PRKCE: variants seen among roughly 807,000 people sequenced by gnomAD.
PRKCE encodes the protein protein kinase C epsilon, also known as protein kinase C epsilon type.
A neutral mutation model predicts 85.4 loss-of-function variants in PRKCE; 16 were observed. The ratio of observed to expected loss-of-function variants is 0.19; its 90% confidence interval spans 0.13 to 0.28. The LOEUF (loss-of-function observed/expected upper bound fraction) is 0.28. Among genes scored for constraint, PRKCE ranks in the 10% least tolerant of loss-of-function variants. The pLI, the probability that PRKCE is intolerant of heterozygous loss-of-function variation, is 1.00. For missense variants in PRKCE, 573 were observed against 975.2 expected (o/e 0.59, Z 5.49); for synonymous variants, 388 against 371.5 (o/e 1.04, Z -0.51).
intron 1 of PRKCE, among the ~76,000 whole-genome samples, chr2:45,682,699 G>A (rs201958592): frequency 6.6e-6 from 1 of 152,186 alleles, no homozygotes; most frequent in Non-Finnish European, 1.5e-5. Context: ...CAATTCTCCT[G>A]CCTCAGCCTC....
chr2:45,808,714 G>T lies in PRKCE; in HGVS notation c.349-34286G>T, dbSNP rs144572887. Among the ~76,000 whole-genome samples the T allele has an allele frequency of 1.1e-3, 171 of 152,260 alleles. 1 individual carries two copies. The highest frequency in any genetic ancestry group is 4.1e-3 in the African/African-American group (170 of 41,532). On this transcript the variant is annotated intron_variant, in intron 1 of 14. Coordinates refer to ENST00000306156, the MANE Select transcript of PRKCE (RefSeq NM_005400.3). ...CTCTCAAGGCTGCTGAGATTGTTTT[G>T]TTCTAGAAGTATATAATCTTAGGAC... is the stretch of plus-strand genomic sequence containing the variant.
At chr2:45,869,815 C>G (rs1224125123) in intron 2 of PRKCE, among the ~76,000 whole-genome samples, 1 of 142,488 alleles carries the variant, frequency 7.0e-6, no homozygotes, top group African/African-American at 2.6e-5. Context: ...TCAAGCAATT[C>G]TCCTGGCTCA....
intron 2 of PRKCE, among the ~76,000 whole-genome samples, chr2:45,899,291 A>G (rs979798572): frequency 6.6e-6 from 1 of 152,136 alleles, no homozygotes; most frequent in Non-Finnish European, 1.5e-5. Context: ...AGGCTTCTTC[A>G]GTGTTGGGCA....
intron 1 of PRKCE, among the ~76,000 whole-genome samples, chr2:45,658,499 CA>C (rs766481176): frequency 1.9e-4 from 29 of 152,216 alleles, no homozygotes; most frequent in Non-Finnish European, 4.0e-4. Context: ...TCCCTGGATT[CA>C]GTGAGTTCTA....
intron 8 of PRKCE, among the ~76,000 whole-genome samples, chr2:46,005,183 C>A (rs1331713815): frequency 6.6e-6 from 1 of 152,160 alleles, no homozygotes; most frequent in Non-Finnish European, 1.5e-5. Context: ...GGAGGCCAGT[C>A]CTAGGCCTGT....
intron 1 of PRKCE, among the ~76,000 whole-genome samples, chr2:45,785,652 G>C (rs575595150): frequency 2.6e-5 from 4 of 152,278 alleles, no homozygotes; most frequent in African/African-American, 9.6e-5. Flanking sequence ...AACACGATCT[G>C]TTCTTCTGAC....
chr2:46,024,414 A>G (rs1297749965), intron 10 of PRKCE, among the ~76,000 whole-genome samples: 1 of 151,744 alleles, frequency 6.6e-6, no homozygotes, highest in African/African-American at 2.4e-5. Context: ...GCCAGGAAGG[A>G]TCATGGGCAA....
chr2:45,891,368 G>A (rs570625323), intron 2 of PRKCE, among the ~76,000 whole-genome samples: 1 of 152,322 alleles, frequency 6.6e-6, no homozygotes, highest in South Asian at 2.1e-4. Flanking sequence ...GCAGTCTGGT[G>A]TATTGTTGGC....
At chr2:45,925,807 T>G (rs975114420) in intron 2 of PRKCE, among the ~76,000 whole-genome samples, 1 of 152,192 alleles carries the variant, frequency 6.6e-6, no homozygotes, top group Non-Finnish European at 1.5e-5. Context: ...CTTTCAATCA[T>G]CGTGGGCTGG....
intron 11 of PRKCE, among the ~76,000 whole-genome samples, chr2:46,106,687 G>T (rs557414751): frequency 6.6e-6 from 1 of 152,294 alleles, no homozygotes; most frequent in East Asian, 1.9e-4. Context: ...TTTTCTGTGT[G>T]TCTGAATGTC....
At chr2:45,815,410 C>T (rs766014866) in intron 1 of PRKCE, among the ~76,000 whole-genome samples, 9 of 152,108 alleles carry the variant, frequency 5.9e-5, no homozygotes, top group Non-Finnish European at 1.3e-4. Flanking sequence ...CCAGACTGCC[C>T]CAGCCTACGC....
chr2:46,004,223 A>G lies in PRKCE; in HGVS notation c.967-319A>G. On this transcript the variant is annotated intron_variant, in intron 7 of 14. Transcript: ENST00000306156. The surrounding 1 kb of genome is among the most constrained non-coding windows in gnomAD (Gnocchi z 4.1). Reference sequence around the variant, plus strand: ...GTCCTCGCACAACCCGAACTACTTCATCCTTTTGGATGGGGTTGGATCAAA... The same window carrying G: ...GTCCTCGCACAACCCGAACTACTTCGTCCTTTTGGATGGGGTTGGATCAAA... 2.8e-6 allele frequency: 1 copy of G among 351,060 alleles called. No individual in the cohort carries two copies. Among genetic ancestry groups the G allele is most frequent in the Non-Finnish European group, 5.6e-6 (1 of 180,028 alleles). 21.7% of individuals were successfully genotyped at this position (351,060 alleles called of 1,614,324 possible). A position where few individuals can be genotyped will look rare whatever the true frequency, so the allele number is the denominator to read the frequency against.
At chr2:45,769,679 C>T (rs1218475532) in intron 1 of PRKCE, among the ~76,000 whole-genome samples, 1 of 152,100 alleles carries the variant, frequency 6.6e-6, no homozygotes, top group Non-Finnish European at 1.5e-5. Flanking sequence ...GGGTTTTAGC[C>T]AGTTTGTCTT....
intron 14 of PRKCE, among the ~76,000 whole-genome samples, chr2:46,178,551 T>C (rs984972584): frequency 6.6e-6 from 1 of 152,246 alleles, no homozygotes; most frequent in East Asian, 1.9e-4. Flanking sequence ...TGTAAACATA[T>C]ACACATATAT....
chr2:46,145,084 A>G lies in PRKCE; in HGVS notation c.1593-9A>G, dbSNP rs746754562. On this transcript the variant is annotated splice_polypyrimidine_tract_variant and intron_variant, in intron 11 of 14. Coordinates refer to ENST00000306156, the MANE Select transcript of PRKCE (RefSeq NM_005400.3). This position sits in a 1 kb window ranked among gnomAD's most constrained non-coding sequence, Gnocchi z 4.6. Reference sequence around the variant, plus strand: ...CGTATTGACATTATGGTCCTGGCCTATCTTGCAGGGATTTGAAACTGGACA... The same window carrying G: ...CGTATTGACATTATGGTCCTGGCCTGTCTTGCAGGGATTTGAAACTGGACA... 2.3e-5 allele frequency: 37 copies of G among 1,599,624 alleles called. No homozygotes were observed. The highest frequency in any genetic ancestry group is 1.1e-5 in the Non-Finnish European group (13 of 1,179,956).
At chr2:45,916,492 T>A (rs912272770) in intron 2 of PRKCE, among the ~76,000 whole-genome samples, 2 of 152,202 alleles carry the variant, frequency 1.3e-5, no homozygotes, top group Non-Finnish European at 2.9e-5. Flanking sequence ...GTGATCCTCC[T>A]GCTTTGATCT....
chr2:46,018,417 C>T (rs1706351002), intron 10 of PRKCE, among the ~76,000 whole-genome samples: 1 of 152,100 alleles, frequency 6.6e-6, no homozygotes, highest in African/African-American at 2.4e-5. Context: ...TTACAGTGAG[C>T]CGAGATCCCG....
intron 1 of PRKCE, among the ~76,000 whole-genome samples, chr2:45,691,273 C>G (rs1315302084): frequency 6.6e-6 from 1 of 152,150 alleles, no homozygotes; most frequent in Non-Finnish European, 1.5e-5. Context: ...ATTTGATTTC[C>G]TCAGAGGAAC....
intron 1 of PRKCE, among the ~76,000 whole-genome samples, chr2:45,658,365 G>A (rs2103721472): frequency 6.6e-6 from 1 of 152,300 alleles, no homozygotes; most frequent in South Asian, 2.1e-4. Context: ...ACCTGAGTTA[G>A]CCTTCAACTT....
Sources: gnomAD v4.1 joint callset for allele counts (sites outside exome capture counted in the v4.1 genomes callset) on GRCh38, gnomAD v4.1.1 for gene constraint, Gnocchi (gnomAD v3.1) non-coding constraint, MANE v1.5 for transcripts, NCBI Gene and HGNC (gene_info 2026-07-23, HGNC 2026-07-21) for gene names.